The following TIA1 variants were observed in gnomAD, a reference collection of about 807,000 sequenced individuals.
The protein encoded by TIA1 is TIA1 cytotoxic granule associated RNA binding protein.
TIA1 carries 23 observed loss-of-function variants against 65.9 expected under a neutral mutation model. That is an observed-to-expected ratio of 0.35 (90% CI 0.25 to 0.49). TIA1 has a LOEUF of 0.49. TIA1 is among the 20% of genes least tolerant of loss of function. TIA1 has a pLI of 0.98. For missense variants in TIA1, 371 were observed against 477.9 expected (o/e 0.78, Z 2.09); for synonymous variants, 147 against 149.4 (o/e 0.98, Z 0.12).
intron 7 of TIA1, among the ~76,000 whole-genome samples, chr2:70,223,083 T>A (rs1324619649): frequency 6.6e-6 from 1 of 152,232 alleles, no homozygotes; most frequent in East Asian, 1.9e-4. Context: ...GATTTTTATA[T>A]AGCAGAACCC....
intron 5 of TIA1, chr2:70,228,244 T>C: frequency 6.3e-6 from 6 of 946,122 alleles, no homozygotes; most frequent in Non-Finnish European, 6.8e-6. Context: ...CTGTGAATTA[T>C]GTAGACTAGA....
At chr2:70,228,779 G>A (rs887161670) in intron 5 of TIA1, 7 of 1,333,898 alleles carry the variant, frequency 5.2e-6, no homozygotes, top group Non-Finnish European at 5.7e-6. Context: ...AGCCCAAATG[G>A]TGACCTCAAG....
chr2:70,218,492 C>T (rs867899631), intron 7 of TIA1, among the ~76,000 whole-genome samples: 10 of 152,082 alleles, frequency 6.6e-5, no homozygotes, highest in East Asian at 3.9e-4. Context: ...AGTGCAGTGG[C>T]GCGTTCTTGG....
intron 10 of TIA1, chr2:70,215,696 T>C: frequency 3.9e-6 from 2 of 518,928 alleles, no homozygotes; most frequent in Non-Finnish European, 6.7e-6. Flanking sequence ...GGCCTTGTGT[T>C]AGGGAGGGAG....
chr2:70,214,900 C>T (rs1010465137), intron 11 of TIA1, among the ~76,000 whole-genome samples: 4 of 152,144 alleles, frequency 2.6e-5, no homozygotes, highest in Admixed American at 2.6e-4. Context: ...TGCTTACTCC[C>T]ATCTCTGTGC....
chr2:70,211,146 G>A lies in TIA1; in HGVS notation c.*1573C>T, dbSNP rs767953230. 1.3e-5 allele frequency: 2 copies of A among 152,168 alleles called. No homozygotes were observed. The highest frequency in any genetic ancestry group is 2.4e-5 in the African/African-American group (1 of 41,526). The allele number at this position is 152,168 out of a possible 1,614,324, so 9.4% of individuals were successfully genotyped here. A position where few individuals can be genotyped will look rare whatever the true frequency, so the allele number is the denominator to read the frequency against. On this transcript the variant is annotated 3_prime_UTR_variant, in exon 13 of 13. Transcript: ENST00000433529. ...TCAACCATTCAAATATGTATACTGGGACCTTTCCTCTTGAGTAAAGGAAGA... is the reference window on the plus strand; with the variant it reads ...TCAACCATTCAAATATGTATACTGGAACCTTTCCTCTTGAGTAAAGGAAGA...
Position 70,216,282 on chromosome 2 carries a change from C to T in TIA1, c.690G>A (p.Met230Ile), listed in dbSNP as rs939368858. 3.8e-6 allele frequency: 6 copies of T among 1,592,276 alleles called. No homozygotes were observed. Among genetic ancestry groups the T allele is most frequent in the Non-Finnish European group, 5.1e-6 (6 of 1,174,016 alleles). Residue 230 changes from methionine to isoleucine, a missense_variant, in exon 10 of 13, where the codon ATG (methionine) becomes ATA (isoleucine). Physicochemically the swap from Met to Ile is conservative, Grantham distance 10. Coordinates refer to ENST00000433529, the MANE Select transcript of TIA1 (RefSeq NM_022173.4). ...GTCCAAATGGTGAAAAAGTCTGACG[C>T]ATTAGTTGTTCTGTTAGACAAAAAA... ...GVTSGLTEQL[M>I]RQTFSPFGQI...
chr2:70,229,220 G>C, intron 4 of TIA1, 44 bp downstream of exon 4: 2 of 1,607,434 alleles, frequency 1.2e-6, no homozygotes, highest in Non-Finnish European at 1.7e-6. Flanking sequence ...AAAACTACTG[G>C]GTACAATAAA....
chr2:70,233,255 G>T (rs1192576386), intron 2 of TIA1, among the ~76,000 whole-genome samples: 1 of 152,098 alleles, frequency 6.6e-6, no homozygotes, highest in Non-Finnish European at 1.5e-5. Flanking sequence ...ACAGGCATCA[G>T]TCACTGTGCA....
chr2:70,223,690 A>G (rs1682541303), intron 7 of TIA1, among the ~76,000 whole-genome samples: 1 of 151,982 alleles, frequency 6.6e-6, no homozygotes, highest in Non-Finnish European at 1.5e-5. Flanking sequence ...CTGGGATTAC[A>G]GGTGTGAGCC....
At chr2:70,240,267 TA>T (rs1399271760) in intron 1 of TIA1, among the ~76,000 whole-genome samples, 2 of 152,232 alleles carry the variant, frequency 1.3e-5, no homozygotes, top group African/African-American at 2.4e-5. Context: ...ATGAAATATT[TA>T]CATAAAAAAG....
chr2:70,218,859 C>T (rs1371834461), intron 7 of TIA1, among the ~76,000 whole-genome samples: 3 of 152,176 alleles, frequency 2.0e-5, no homozygotes, highest in Non-Finnish European at 2.9e-5. Flanking sequence ...AGGAGCATTG[C>T]AGTAGCAGTG....
intron 5 of TIA1, chr2:70,228,419 T>A: frequency 7.8e-7 from 1 of 1,288,314 alleles, no homozygotes; most frequent in Non-Finnish European, 1.0e-6. Flanking sequence ...GCCCAGACAT[T>A]ACACCATTCA....
rs935618716 is a variant in TIA1 at position 70,212,784 on chromosome 2, G to A, written c.1096C>T (p.Gln366Ter). 1.2e-5 allele frequency: 20 copies of A among 1,614,010 alleles called. No homozygotes were observed. Among genetic ancestry groups the A allele is most frequent in the Non-Finnish European group, 1.6e-5 (19 of 1,180,016 alleles). ...TGATTGGGCAACATGCTGCCATTTT[G>A]CCCTTGAGGCGGTTGCACTCCATAA... The part of the protein sequence containing the change: ...PNYGVQPPQG[Q>*]NGSMLPNQPS... Residue 366 changes from glutamine (Q) to a stop codon, truncating the protein, a stop_gained, in exon 13 of 13, where the codon CAA becomes TAA. Coordinates refer to ENST00000433529, the MANE Select transcript of TIA1 (RefSeq NM_022173.4). LOFTEE classifies it high-confidence loss of function.
intron 1 of TIA1, among the ~76,000 whole-genome samples, chr2:70,237,038 T>C (rs1057449431): frequency 2.6e-5 from 4 of 152,244 alleles, no homozygotes; most frequent in Admixed American, 2.0e-4. Flanking sequence ...AACTATAATA[T>C]TTGGGAGTAA....
At chr2:70,216,729 A>G (rs1678792310) in intron 8 of TIA1, 157 bp downstream of exon 8, 2 of 1,541,686 alleles carry the variant, frequency 1.3e-6, no homozygotes, top group Non-Finnish European at 1.7e-6. Context: ...ATTATTTATA[A>G]TTACAAAAAT....
chr2:70,213,850 C>T (rs1677408155), intron 12 of TIA1, among the ~76,000 whole-genome samples: 2 of 152,094 alleles, frequency 1.3e-5, no homozygotes, highest in Admixed American at 1.3e-4. Context: ...TGGGGTTTCG[C>T]CATGTTGGCC....
At position 70,209,874 on chromosome 2, in the gene TIA1, C is replaced by T. The variant is rs187757405; in HGVS notation, c.*2845G>A. The T allele has an allele frequency of 1.7e-4, 69 of 396,376 alleles. No individual in the cohort carries two copies. The highest frequency in any genetic ancestry group is 2.8e-4 in the Non-Finnish European group (63 of 225,246). 24.6% of individuals were successfully genotyped at this position (396,376 alleles called of 1,614,324 possible). On this transcript the variant is annotated 3_prime_UTR_variant, in exon 13 of 13. Transcript: ENST00000433529. Reference sequence around the variant, plus strand: ...CTGTCTTTGTACATGCAATCTAGTTCTTACCAACTGCCTTCTCAAATGGAA... The same window carrying T: ...CTGTCTTTGTACATGCAATCTAGTTTTTACCAACTGCCTTCTCAAATGGAA...
rs1363888895 is a variant in TIA1 at position 70,214,402 on chromosome 2, C to T, written c.981G>A (p.Trp327Ter). ...CATACATTCCATATGCAGGAACTTGCCAACCATTAGGCATATACTGGCCAA... is the reference window on the plus strand; with the variant it reads ...CATACATTCCATATGCAGGAACTTGTCAACCATTAGGCATATACTGGCCAA... Reference protein sequence around the residue: ...QQIGQYMPNGWQVPAYGMYGQ... With the variant: ...QQIGQYMPNG The change falls in exon 12 of 13, where the codon TGG (tryptophan) becomes TGA (stop). Residue 327 changes from tryptophan (W) to a stop codon, truncating the protein, a stop_gained. Coordinates refer to ENST00000433529, the MANE Select transcript of TIA1 (RefSeq NM_022173.4). LOFTEE classifies it high-confidence loss of function. The T allele has an allele frequency of 6.2e-7, 1 of 1,613,898 alleles. No homozygotes were observed. Among genetic ancestry groups the T allele is most frequent in the Non-Finnish European group, 8.5e-7 (1 of 1,179,952 alleles).
Sources: allele counts gnomAD v4.1 joint callset (sites outside exome capture counted in the v4.1 genomes callset), GRCh38; gene constraint gnomAD v4.1.1; transcripts MANE v1.5; gene names NCBI Gene and HGNC (gene_info 2026-07-23, HGNC 2026-07-21).